Variants in CATSPERT observed in about 807,000 individuals in gnomAD.
CATSPERT encodes the protein catsper channel auxiliary subunit tau, also known as cation channel sperm-associated targeting subunit tau.
chr2:201,578,409 C>T, the CATSPERT span, among the ~76,000 whole-genome samples: 1 of 152,072 alleles, frequency 6.6e-6, no homozygotes, highest in Non-Finnish European at 1.5e-5. Flanking sequence ...ATAAACCGCA[C>T]AGATCATGTT....
the CATSPERT span, among the ~76,000 whole-genome samples, chr2:201,608,786 C>T: frequency 6.7e-6 from 1 of 148,608 alleles, no homozygotes; most frequent in Non-Finnish European, 1.5e-5. Flanking sequence ...CACTACACTC[C>T]AGCCTCTGTG....
the CATSPERT span, among the ~76,000 whole-genome samples, chr2:201,605,658 T>C: frequency 6.6e-6 from 1 of 152,124 alleles, no homozygotes; most frequent in East Asian, 1.9e-4. Flanking sequence ...TTAAAAGCTA[T>C]TATAGGGAGA....
At chr2:201,535,604 T>C in the CATSPERT span, 707,948 of 1,070,360 alleles carry the variant, frequency 0.66, 237,946 homozygotes, top group East Asian at 0.96. Context: ...GCTGAATTAC[T>C]AACCCAAGAG....
At chr2:201,535,017 CAGT>C in the CATSPERT span, 5 of 546,656 alleles carry the variant, frequency 9.1e-6, no homozygotes, top group Non-Finnish European at 1.2e-5. Flanking sequence ...TTAAATCTAG[CAGT>C]AGAATTATAA....
the CATSPERT span, among the ~76,000 whole-genome samples, chr2:201,560,757 A>C: frequency 6.6e-6 from 1 of 151,964 alleles, no homozygotes; most frequent in Non-Finnish European, 1.5e-5. Context: ...GCGCTGACCA[A>C]CACCTATATT....
chr2:201,574,233 G>C, the CATSPERT span: 17 of 1,603,654 alleles, frequency 1.1e-5, no homozygotes, highest in Non-Finnish European at 1.4e-5. Flanking sequence ...CATAACCAAA[G>C]TTTCCATAGG....
At chr2:201,535,504 A>C in the CATSPERT span, 2 of 916,162 alleles carry the variant, frequency 2.2e-6, no homozygotes, top group Non-Finnish European at 2.6e-6. Flanking sequence ...CTATAATATA[A>C]TAGTTTTATT....
chr2:201,535,801 C>G, the CATSPERT span: 1 of 1,408,608 alleles, frequency 7.1e-7, no homozygotes, highest in Non-Finnish European at 9.2e-7. Flanking sequence ...TTTTGTCTCC[C>G]TAGTCTTATA....
the CATSPERT span, among the ~76,000 whole-genome samples, chr2:201,512,472 C>T: frequency 6.6e-6 from 1 of 152,184 alleles, no homozygotes; most frequent in East Asian, 1.9e-4. Context: ...GTCTGGTAAC[C>T]ACTAATCTGT....
At chr2:201,507,774 A>AACAGGAAGCATGACTGGGGGGGCC in the CATSPERT span, among the ~76,000 whole-genome samples, 8 of 152,186 alleles carry the variant, frequency 5.3e-5, no homozygotes, top group Non-Finnish European at 8.8e-5. Flanking sequence ...CCACAGACTT[A>AACAGGAAGCATGACTGGGGGGGCC]ACAGGAAGCA....
At chr2:201,488,608 A>T in the CATSPERT span, among the ~76,000 whole-genome samples, 1 of 152,204 alleles carries the variant, frequency 6.6e-6, no homozygotes. Context: ...TTACCCTCAA[A>T]TTAGGGTAAA....
At chr2:201,582,011 C>T in the CATSPERT span, 1 of 1,478,416 alleles carries the variant, frequency 6.8e-7, no homozygotes, top group South Asian at 1.3e-5. Context: ...ACAAAAAAAG[C>T]CCATCAAGTA....
At chr2:201,568,337 T>C in the CATSPERT span, among the ~76,000 whole-genome samples, 1 of 152,178 alleles carries the variant, frequency 6.6e-6, no homozygotes, top group Non-Finnish European at 1.5e-5. Flanking sequence ...TCAAGATCCC[T>C]GGGAACTAAA....
At chr2:201,538,861 C>G in the CATSPERT span, among the ~76,000 whole-genome samples, 1 of 152,070 alleles carries the variant, frequency 6.6e-6, no homozygotes, top group African/African-American at 2.4e-5. Flanking sequence ...TTGTTCCCCT[C>G]TATGTGTCCA....
the CATSPERT span, chr2:201,603,246 G>A: frequency 3.1e-6 from 5 of 1,611,560 alleles, no homozygotes; most frequent in Non-Finnish European, 4.2e-6. Context: ...AATGTCTGCA[G>A]TTCTTTATAT....
chr2:201,600,392 C>T, the CATSPERT span, among the ~76,000 whole-genome samples: 132,831 of 152,002 alleles, frequency 0.87, 59,118 homozygotes, highest in South Asian at 0.98. Context: ...ACAATGAGAA[C>T]ACATGGACAC....
At chr2:201,500,865 T>C in the CATSPERT span, among the ~76,000 whole-genome samples, 5 of 152,212 alleles carry the variant, frequency 3.3e-5, no homozygotes, top group Non-Finnish European at 1.5e-5. Context: ...TACTGAAATT[T>C]ATTCTTTTAC....
chr2:201,524,786 A>T, the CATSPERT span, among the ~76,000 whole-genome samples: 10,397 of 152,322 alleles, frequency 0.068, 455 homozygotes, highest in Middle Eastern at 0.11. Flanking sequence ...TCTATCAAGC[A>T]AACAAAACAA....
At chr2:201,606,893 T>C in the CATSPERT span, among the ~76,000 whole-genome samples, 1 of 146,556 alleles carries the variant, frequency 6.8e-6, no homozygotes, top group Non-Finnish European at 1.5e-5. Context: ...AGTAAGACTC[T>C]GTCTCAAAAA....
Sources: allele counts gnomAD v4.1 joint callset (sites outside exome capture counted in the v4.1 genomes callset), GRCh38; gene constraint gnomAD v4.1.1; transcripts MANE v1.5; gene names NCBI Gene and HGNC (gene_info 2026-07-23, HGNC 2026-07-21).